FAM151A: variants seen among roughly 807,000 people sequenced by gnomAD.
The protein encoded by FAM151A is family with sequence similarity 151 member A.
In FAM151A, 41 loss-of-function variants were observed where a neutral mutation model predicts 40.4. The ratio of observed to expected loss-of-function variants is 1.01; its 90% CI spans 0.79 to 1.32. FAM151A has a LOEUF of 1.32. Ranked by LOEUF, FAM151A falls within the 40% of genes most tolerant of loss-of-function variation. The pLI is 0.00. For missense variants in FAM151A, 740 were observed against 740.4 expected, an observed-to-expected ratio of 1.00 and a Z score of 0.01; for synonymous variants, 337 against 312.5, an observed-to-expected ratio of 1.08 and a Z score of -0.83.
In FAM151A at chr1:54,611,755, CG is replaced by C; in HGVS notation, c.801-11del. 1 of 1,613,802 alleles carries C rather than the reference CG, an allele frequency of 6.2e-7. No homozygotes were observed. Among genetic ancestry groups the C allele is most frequent in the East Asian group, 2.2e-5 (1 of 44,848 alleles). ...CAGCGTCAGGCTGTACCTGGGGACACGAGAGCTGGCTCAGTGCCTGTCTGGG... is the reference window on the plus strand; with the variant it reads ...CAGCGTCAGGCTGTACCTGGGGACACAGAGCTGGCTCAGTGCCTGTCTGGG... On this transcript the variant is annotated splice_polypyrimidine_tract_variant and intron_variant, in intron 5 of 7. Transcript: ENST00000302250.
chr1:54,610,689 A>G, intron 6 of FAM151A, 134 bp from the exon 7 acceptor site: 1 of 1,425,044 alleles, frequency 7.0e-7, no homozygotes, highest in South Asian at 1.5e-5. Flanking sequence ...AGTAGCTCTC[A>G]TTTCCTTGCC....
chr1:54,611,513 A>ATATCCCTTCCACCCAGC (rs1553165395), intron 6 of FAM151A, 93 bp downstream of exon 6: 13 of 1,290,956 alleles, frequency 1.0e-5, no homozygotes, highest in Non-Finnish European at 1.2e-5. Context: ...CCCCCTTCTG[A>ATATCCCTTCCACCCAGC]TATCCCTTCC....
Position 54,620,827 on chromosome 1 carries a change from G to A in FAM151A, c.119-820C>T, listed in dbSNP as rs192830008. Among the ~76,000 whole-genome samples the A allele has an allele frequency of 1.1e-4, 11 of 98,634 alleles. No individual in the cohort carries two copies. In the East Asian group the frequency reaches 3.6e-3, roughly 32 times the overall value. 64.7% of individuals were successfully genotyped at this position (98,634 alleles called of 152,430 possible). A position where few individuals can be genotyped will look rare whatever the true frequency, so the allele number is the denominator to read the frequency against. Reference sequence around the variant, plus strand: ...TTGCACCACTGTACTCAGCCTGGATGACACAAAGAGACTCTGTCAAAAAAA... The same window carrying A: ...TTGCACCACTGTACTCAGCCTGGATAACACAAAGAGACTCTGTCAAAAAAA... On this transcript the variant is annotated intron_variant, in intron 1 of 7. Transcript: ENST00000302250.
chr1:54,615,762 G>T (rs186230987), intron 3 of FAM151A, among the ~76,000 whole-genome samples: 15 of 152,158 alleles, frequency 9.9e-5, no homozygotes, highest in Non-Finnish European at 2.1e-4. Flanking sequence ...GAGCATGCGC[G>T]GCACTTTGCA....
At chr1:54,619,273 G>C (rs568980497) in intron 2 of FAM151A, among the ~76,000 whole-genome samples, 6 of 152,308 alleles carry the variant, frequency 3.9e-5, no homozygotes, top group African/African-American at 1.4e-4. Flanking sequence ...CTTCCCAACA[G>C]CCCTGAAGGA....
intron 6 of FAM151A, chr1:54,610,848 G>A (rs1644110275): frequency 1.0e-6 from 1 of 985,392 alleles, no homozygotes; most frequent in Non-Finnish European, 1.2e-6. Context: ...GGAATGCTGA[G>A]TCTGATGGGG....
chr1:54,610,644 C>A (rs1049874986), intron 6 of FAM151A, 89 bp from the exon 7 acceptor site: 2 of 1,533,688 alleles, frequency 1.3e-6, no homozygotes, highest in Non-Finnish European at 1.8e-6. Flanking sequence ...CACAGCTCTA[C>A]GGGCATCCTC....
rs547075656 is a variant in FAM151A at position 54,614,709 on chromosome 1, T to C, written c.566A>G (p.Asn189Ser). 10 of 1,613,118 alleles carry C rather than the reference T, an allele frequency of 6.2e-6. No individual in the cohort carries two copies. Among genetic ancestry groups the C allele is most frequent in the Admixed American group, 1.7e-5 (1 of 59,942 alleles). Reference sequence around the variant, plus strand: ...AGAGGCGAACACTCACTGTGTGGCATTGACCTCAGTTGAGATGAGCATGTT... The same window carrying C: ...AGAGGCGAACACTCACTGTGTGGCACTGACCTCAGTTGAGATGAGCATGTT... ...GPNMLISTEV[N>S]ATQFLALVQE... Residue 189 changes from asparagine to serine, a missense_variant, in exon 4 of 8, where the codon AAT (asparagine) becomes AGT (serine). Coordinates refer to ENST00000302250, the MANE Select transcript of FAM151A (RefSeq NM_176782.3).
Position 54,609,503 on chromosome 1 carries a change from A to G in FAM151A, c.1523T>C (p.Val508Ala). 1 of 1,613,234 alleles carries G rather than the reference A, an allele frequency of 6.2e-7. No individual in the cohort carries two copies. The highest frequency in any genetic ancestry group is 8.5e-7 in the Non-Finnish European group (1 of 1,180,038). ...CAGCATGGCCTGCATCTGGAAGGAC[A>G]CAGGTTGCCAGAGCCCCTGGCACAA... ...LELCQGLWQP[V>A]SFQMQAMLLG... Residue 508 changes from valine (V) to alanine (A), a missense_variant, in exon 8 of 8, where the codon GTG (valine) becomes GCG (alanine). Physicochemically the swap from Val to Ala is moderately conservative, Grantham distance 64. Transcript: ENST00000302250.
Position 54,609,433 on chromosome 1 carries a change from G to A in FAM151A, c.1593C>T (p.Ser531=), listed in dbSNP as rs1453267903. The change falls in exon 8 of 8, where the codon TCC becomes TCT. Residue 531 remains serine (S), a synonymous_variant. Coordinates refer to ENST00000302250, the MANE Select transcript of FAM151A (RefSeq NM_176782.3). ...CCACTGTGACGGTGGCCCGGGGGGA[G>A]GATGCCAGCAGCCTGCCTATGGCTC... is the stretch of plus-strand genomic sequence containing the variant. ...TAGAIGRLLA[S]SPRATVTVEH... is the part of the protein sequence containing the mutation. 4 of 1,613,818 alleles carry A rather than the reference G, an allele frequency of 2.5e-6. No homozygotes were observed. The highest frequency in any genetic ancestry group is 3.4e-6 in the Non-Finnish European group (4 of 1,180,018).
At chr1:54,614,942 G>GTGTGTA in intron 3 of FAM151A, 83 bp from the exon 4 acceptor site, 1 of 522,180 alleles carries the variant, frequency 1.9e-6, no homozygotes, top group Non-Finnish European at 2.7e-6. Flanking sequence ...CAGAGCGGGT[G>GTGTGTA]TGTGTGTGTG....
Position 54,613,402 on chromosome 1 carries a change from G to A in FAM151A, c.576-692C>T, listed in dbSNP as rs147860374. On this transcript the variant is annotated intron_variant, in intron 4 of 7. Transcript: ENST00000302250. Reference sequence around the variant, plus strand: ...TCAAAAAAAAAAAACTTTTTTTCCTGTCTTCCTGCTTTCCTCCCTCCTTCC... The same window carrying A: ...TCAAAAAAAAAAAACTTTTTTTCCTATCTTCCTGCTTTCCTCCCTCCTTCC... 3.3e-3 allele frequency among the ~76,000 whole-genome samples: 498 copies of A among 150,922 alleles called. 2 individuals carry two copies. The highest frequency in any genetic ancestry group is 5.9e-3 in the Non-Finnish European group (398 of 67,736).
chr1:54,611,353 T>C (rs775431280), intron 6 of FAM151A, among the ~76,000 whole-genome samples: 28 of 152,054 alleles, frequency 1.8e-4, no homozygotes, highest in Non-Finnish European at 3.4e-4. Flanking sequence ...GGAGCCGAGA[T>C]TGCGCCGCTG....
chr1:54,623,476 G>GCTCCT lies in FAM151A; in HGVS notation c.-82_-81insAGGAG. 1 of 1,036,146 alleles carries GCTCCT rather than the reference G, an allele frequency of 9.7e-7. No individual in the cohort carries two copies. Among genetic ancestry groups the GCTCCT allele is most frequent in the Non-Finnish European group, 1.5e-6 (1 of 670,424 alleles). 64.2% of individuals were successfully genotyped at this position (1,036,146 alleles called of 1,614,324 possible). A position where few individuals can be genotyped will look rare whatever the true frequency, so the allele number is the denominator to read the frequency against. ...TCCCTGCAGCTGGAATCCTGTGGGA[G>GCTCCT]GCAGGAGCTCCCAGCAGCACCTAAT... is the stretch of plus-strand genomic sequence containing the variant. On this transcript the variant is annotated 5_prime_UTR_variant, in exon 1 of 8. Transcript: ENST00000302250.
chr1:54,615,614 G>C (rs549634210), intron 3 of FAM151A, among the ~76,000 whole-genome samples: 1 of 152,158 alleles, frequency 6.6e-6, no homozygotes, highest in Non-Finnish European at 1.5e-5. Context: ...CTGAGTTGCC[G>C]TGAGGATGAG....
chr1:54,614,954 GCA>G (rs749848378), intron 3 of FAM151A, 95 bp from the exon 4 acceptor site: 34,081 of 1,088,722 alleles, frequency 0.031, 78 homozygotes, highest in Non-Finnish European at 0.036. Flanking sequence ...GTGTGTGTGT[GCA>G]TGTGCGTGCA....
rs987583446 is a variant in FAM151A at position 54,614,427 on chromosome 1, A to G, written c.575+273T>C. On this transcript the variant is annotated intron_variant, in intron 4 of 7. Coordinates refer to ENST00000302250, the MANE Select transcript of FAM151A (RefSeq NM_176782.3). The stretch of plus-strand genomic sequence containing the variant: ...CCCCATGAAGTCAGGGCTGTGTTAG[A>G]AGGAAGTGTAGGGGTTGAGGGGCCC... Among the ~76,000 whole-genome samples, 3 of 151,992 alleles carry G rather than the reference A, an allele frequency of 2.0e-5. No individual in the cohort carries two copies. The Middle Eastern group carries it at 0.01, about 517-fold the overall frequency.
chr1:54,615,822 C>T (rs1356062320), intron 3 of FAM151A, among the ~76,000 whole-genome samples, 198 bp downstream of exon 3: 8 of 152,188 alleles, frequency 5.3e-5, no homozygotes, highest in African/African-American at 1.9e-4. Context: ...GGAGAAAACA[C>T]CAGGACCTGC....
rs1473379813 is a variant in FAM151A, at chr1:54,617,538, G to A, written c.263-1366C>T. Reference sequence around the variant, plus strand: ...ACCCAAACTCTTTATCATAGTCTTCGTGGTCTGTACAATCAGGGCCTGCCA... The same window carrying A: ...ACCCAAACTCTTTATCATAGTCTTCATGGTCTGTACAATCAGGGCCTGCCA... On this transcript the variant is annotated intron_variant, in intron 2 of 7. Coordinates refer to ENST00000302250, the MANE Select transcript of FAM151A (RefSeq NM_176782.3). 5.3e-5 allele frequency among the ~76,000 whole-genome samples: 8 copies of A among 150,048 alleles called. No homozygotes were observed. In the East Asian group the frequency reaches 5.9e-4, roughly 11 times the overall value.
Sources: gnomAD v4.1 joint callset for allele counts (sites outside exome capture counted in the v4.1 genomes callset) on GRCh38, gnomAD v4.1.1 for gene constraint, MANE v1.5 for transcripts, NCBI Gene and HGNC (gene_info 2026-07-23, HGNC 2026-07-21) for gene names.